Variants in ANKRD12 observed in about 807,000 individuals in gnomAD.
ANKRD12 encodes ankyrin repeat domain 12.
A neutral mutation model predicts 183.4 loss-of-function variants in ANKRD12; 85 were observed. That is an observed-to-expected ratio of 0.46 (90% CI 0.39 to 0.56). ANKRD12 has a LOEUF of 0.56. Ranked by LOEUF, ANKRD12 falls within the 20% of genes least tolerant of loss-of-function variation. The probability of loss-of-function intolerance (pLI) is 0.00; values close to 1 mark genes in which losing one functional copy is unlikely to be tolerated. For synonymous variants in ANKRD12, 914 were observed against 800.2 expected, an observed-to-expected ratio of 1.14 and a Z score of -2.40; for missense variants, 2,405 against 2,357.1, an observed-to-expected ratio of 1.02 and a Z score of -0.42.
intron 1 of ANKRD12, among the ~76,000 whole-genome samples, chr18:9,170,401 T>C (rs1048213930): frequency 6.6e-6 from 1 of 152,202 alleles, no homozygotes; most frequent in Non-Finnish European, 1.5e-5. Flanking sequence ...TCTTGGAGGT[T>C]TTGTTTGTTT....
chr18:9,180,086 T>C (rs1277985517), intron 1 of ANKRD12, among the ~76,000 whole-genome samples: 2 of 152,110 alleles, frequency 1.3e-5, no homozygotes, highest in African/African-American at 4.8e-5. Flanking sequence ...TATGAATTTA[T>C]CTATTTTGTC....
At chr18:9,142,745 G>A (rs149891049) in intron 1 of ANKRD12, among the ~76,000 whole-genome samples, 1,584 of 152,134 alleles carry the variant, frequency 0.01, 22 homozygotes, top group African/African-American at 0.036. Flanking sequence ...TTAGCTGGGC[G>A]TGGTGGCGCA....
At chr18:9,223,609 A>T (rs545401963) in intron 8 of ANKRD12, among the ~76,000 whole-genome samples, 8 of 152,176 alleles carry the variant, frequency 5.3e-5, no homozygotes, top group African/African-American at 1.9e-4. Context: ...ATAAAAGTGT[A>T]TTGCCTTCTT....
At chr18:9,196,633 C>G (rs1405524190) in intron 3 of ANKRD12, among the ~76,000 whole-genome samples, 9 of 152,156 alleles carry the variant, frequency 5.9e-5, no homozygotes, top group Admixed American at 5.9e-4. Context: ...ACATTCTATG[C>G]TAACATAGCT....
At chr18:9,277,477 G>A (rs894026398) in intron 11 of ANKRD12, among the ~76,000 whole-genome samples, 17 of 151,564 alleles carry the variant, frequency 1.1e-4, no homozygotes, top group South Asian at 2.1e-4. Flanking sequence ...ACAGGCGCCC[G>A]CCACCACACC....
At chr18:9,144,947 A>G (rs2078445298) in intron 1 of ANKRD12, among the ~76,000 whole-genome samples, 1 of 152,164 alleles carries the variant, frequency 6.6e-6, no homozygotes, top group Non-Finnish European at 1.5e-5. Context: ...ATACTAATAT[A>G]TCAATAATTA....
intron 9 of ANKRD12, among the ~76,000 whole-genome samples, chr18:9,261,237 C>T (rs1452450030): frequency 6.6e-6 from 1 of 152,220 alleles, no homozygotes; most frequent in East Asian, 1.9e-4. Context: ...ACATGTTCTA[C>T]ATAATACCTC....
chr18:9,148,678 T>C lies in ANKRD12; in HGVS notation c.-52+11713T>C, dbSNP rs574558262. The stretch of plus-strand genomic sequence containing the variant: ...TTGTTCTTGTTTACTCTTCCACCCC[T>C]GTCCCCTGTGATCCTCCCCCCGCCA... On this transcript the variant is annotated intron_variant, in intron 1 of 12. Transcript: ENST00000262126. 3.9e-5 allele frequency among the ~76,000 whole-genome samples: 6 copies of C among 152,236 alleles called. 1 individual carries two copies. The South Asian group carries it at 1.2e-3, about 32-fold the overall frequency.
At chr18:9,144,555 A>G (rs1269487586) in intron 1 of ANKRD12, among the ~76,000 whole-genome samples, 1 of 152,226 alleles carries the variant, frequency 6.6e-6, no homozygotes, top group Non-Finnish European at 1.5e-5. Flanking sequence ...GGAAACATGT[A>G]GTCTCACACT....
intron 1 of ANKRD12, among the ~76,000 whole-genome samples, chr18:9,167,397 C>T (rs2032192789): frequency 6.6e-6 from 1 of 152,116 alleles, no homozygotes; most frequent in Non-Finnish European, 1.5e-5. Flanking sequence ...TTTCATTGAG[C>T]AGTGGTTTGT....
At chr18:9,221,666 A>G (rs1441542856) in intron 7 of ANKRD12, among the ~76,000 whole-genome samples, 186 bp from the exon 8 acceptor site, 1 of 152,186 alleles carries the variant, frequency 6.6e-6, no homozygotes, top group African/African-American at 2.4e-5. Context: ...AGTTGAGGTT[A>G]TCAGATAGGG....
At chr18:9,208,925 T>A in intron 5 of ANKRD12, 122 bp downstream of exon 5, 1 of 975,014 alleles carries the variant, frequency 1.0e-6, no homozygotes, top group African/African-American at 1.7e-5. Flanking sequence ...TAATCAGAAT[T>A]ACTTGTAAGT....
At chr18:9,150,638 TA>T (rs1022731946) in intron 1 of ANKRD12, among the ~76,000 whole-genome samples, 20 of 152,220 alleles carry the variant, frequency 1.3e-4, no homozygotes, top group African/African-American at 4.6e-4. Flanking sequence ...TGATTTTTTT[TA>T]AAATTTATTT....
intron 1 of ANKRD12, chr18:9,137,481 CGCG>C: frequency 6.8e-6 from 1 of 146,074 alleles, no homozygotes; most frequent in East Asian, 2.0e-4. Flanking sequence ...CGGTCGGACC[CGCG>C]GGGGCGGGGG....
intron 3 of ANKRD12, among the ~76,000 whole-genome samples, chr18:9,201,858 C>T (rs1010837493): frequency 6.7e-6 from 1 of 149,332 alleles, no homozygotes; most frequent in Admixed American, 6.7e-5. Flanking sequence ...TACAGAGTGT[C>T]GCTCTTTCAC....
chr18:9,197,740 C>G (rs2034928932), intron 3 of ANKRD12, among the ~76,000 whole-genome samples: 1 of 152,128 alleles, frequency 6.6e-6, no homozygotes, highest in African/African-American at 2.4e-5. Flanking sequence ...TTATAAAGAT[C>G]TTCATCCTCA....
At chr18:9,187,895 A>G (rs181091015) in intron 2 of ANKRD12, among the ~76,000 whole-genome samples, 51 of 152,360 alleles carry the variant, frequency 3.3e-4, no homozygotes, top group African/African-American at 1.2e-3. Context: ...TAGTTCAGAC[A>G]TTCATTATTT....
chr18:9,203,947 GT>G (rs1174600858), intron 3 of ANKRD12, among the ~76,000 whole-genome samples: 1 of 152,098 alleles, frequency 6.6e-6, no homozygotes, highest in Non-Finnish European at 1.5e-5. Context: ...TTTGATTTAG[GT>G]TACTTTCTTT....
chr18:9,212,110 TA>T (rs1180778185), intron 6 of ANKRD12, among the ~76,000 whole-genome samples: 1 of 152,124 alleles, frequency 6.6e-6, no homozygotes, highest in Admixed American at 6.5e-5. Flanking sequence ...ATAAGTATTT[TA>T]AGAACATTTA....
Sources: gnomAD v4.1 joint callset for allele counts (sites outside exome capture counted in the v4.1 genomes callset) on GRCh38, gnomAD v4.1.1 for gene constraint, MANE v1.5 for transcripts, NCBI Gene and HGNC (gene_info 2026-07-23, HGNC 2026-07-21) for gene names.